SHISA9: variants seen among roughly 807,000 people sequenced by gnomAD.
SHISA9 encodes the protein protein shisa-9.
Under a neutral mutation model 38.0 loss-of-function variants are expected in SHISA9, and 13 were observed. The ratio of observed to expected loss-of-function variants is 0.34; its 90% CI spans 0.22 to 0.54. The LOEUF (loss-of-function observed/expected upper bound fraction) is 0.54. SHISA9 is among the 20% of genes least tolerant of loss of function. SHISA9 has a pLI of 0.91. For missense variants in SHISA9, 538 were observed against 575.8 expected, an observed-to-expected ratio of 0.93 and a Z score of 0.67; for synonymous variants, 275 against 242.0, an observed-to-expected ratio of 1.14 and a Z score of -1.27.
chr16:13,469,383 A>G, the SHISA9 span, among the ~76,000 whole-genome samples: 5 of 109,718 alleles, frequency 4.6e-5, no homozygotes, highest in African/African-American at 1.8e-4. Context: ...GAAAGAAAGA[A>G]AGAAAGAAAG....
At chr16:13,002,772 A>G (rs777622060) in intron 2 of SHISA9, among the ~76,000 whole-genome samples, 1 of 152,094 alleles carries the variant, frequency 6.6e-6, no homozygotes, top group Admixed American at 6.6e-5. Flanking sequence ...ACCTCAGGTG[A>G]TCTGCCTGCC....
At chr16:13,117,477 G>A (rs989977916) in intron 2 of SHISA9, among the ~76,000 whole-genome samples, 1 of 152,194 alleles carries the variant, frequency 6.6e-6, no homozygotes, top group Non-Finnish European at 1.5e-5. Flanking sequence ...TCTTGCAGAT[G>A]TAACCAAGTT....
chr16:13,140,588 T>G (rs1431536247), intron 2 of SHISA9, among the ~76,000 whole-genome samples: 5 of 152,228 alleles, frequency 3.3e-5, no homozygotes, highest in Non-Finnish European at 7.3e-5. Flanking sequence ...CAGCAAGTTC[T>G]GCAAGTTCAG....
chr16:13,006,969 C>T lies in SHISA9; in HGVS notation c.691+90154C>T, dbSNP rs1258210827. 5.9e-5 allele frequency among the ~76,000 whole-genome samples: 9 copies of T among 152,136 alleles called. No individual in the cohort carries two copies. In the East Asian group the frequency reaches 7.7e-4, roughly 13 times the overall value. ...TCTTCAGCTCTCTTTCTGTCACCCTCGACACCTTCTGCATACCTGCTGCCT... is the reference window on the plus strand; with the variant it reads ...TCTTCAGCTCTCTTTCTGTCACCCTTGACACCTTCTGCATACCTGCTGCCT... On this transcript the variant is annotated intron_variant, in intron 2 of 4. Transcript: ENST00000558583.
chr16:13,262,905 C>G, the SHISA9 span, among the ~76,000 whole-genome samples: 3 of 152,110 alleles, frequency 2.0e-5, no homozygotes, highest in African/African-American at 4.8e-5. Context: ...TATCTACTCT[C>G]TTCCTTCTAA....
intron 2 of SHISA9, among the ~76,000 whole-genome samples, chr16:13,155,034 A>G (rs1285053662): frequency 1.1e-4 from 16 of 152,248 alleles, no homozygotes; most frequent in Non-Finnish European, 7.3e-5. Context: ...CATAGGTTAA[A>G]ATGACTAAGA....
At chr16:13,112,094 C>G (rs1458049245) in intron 2 of SHISA9, among the ~76,000 whole-genome samples, 1 of 152,154 alleles carries the variant, frequency 6.6e-6, no homozygotes, top group African/African-American at 2.4e-5. Flanking sequence ...GGTCATACCA[C>G]TCAGCAAAAG....
chr16:13,066,691 A>G (rs768171737), intron 2 of SHISA9, among the ~76,000 whole-genome samples: 2 of 152,256 alleles, frequency 1.3e-5, no homozygotes, highest in Non-Finnish European at 2.9e-5. Context: ...ATGAATGTAA[A>G]GTACCTGGCA....
At chr16:13,162,638 C>G (rs977463004) in intron 2 of SHISA9, among the ~76,000 whole-genome samples, 1 of 152,170 alleles carries the variant, frequency 6.6e-6, no homozygotes, top group African/African-American at 2.4e-5. Context: ...TTGGCCTTGA[C>G]AGTGTGTTAC....
chr16:12,944,361 T>C (rs1217014690), intron 2 of SHISA9, among the ~76,000 whole-genome samples: 1 of 152,204 alleles, frequency 6.6e-6, no homozygotes, highest in African/African-American at 2.4e-5. Flanking sequence ...AAATTCAAAG[T>C]TTATGTCATC....
intron 3 of SHISA9, among the ~76,000 whole-genome samples, chr16:13,205,567 T>C (rs1264479511): frequency 2.0e-5 from 3 of 152,202 alleles, no homozygotes; most frequent in Admixed American, 2.0e-4. Context: ...AAGGTCTCAG[T>C]CTTCTAATCT....
chr16:13,280,365 G>A, the SHISA9 span, among the ~76,000 whole-genome samples: 4 of 151,198 alleles, frequency 2.6e-5, no homozygotes, highest in African/African-American at 9.7e-5. Flanking sequence ...TCTTTCTCTA[G>A]TTTCTGGAGG....
chr16:12,951,836 G>A (rs2071761586), intron 2 of SHISA9, among the ~76,000 whole-genome samples: 1 of 152,216 alleles, frequency 6.6e-6, no homozygotes, highest in Admixed American at 6.5e-5. Context: ...CTTCACTTCA[G>A]GGAGCTTGGA....
chr16:13,368,050 A>G, the SHISA9 span, among the ~76,000 whole-genome samples: 1 of 152,178 alleles, frequency 6.6e-6, no homozygotes, highest in Non-Finnish European at 1.5e-5. Context: ...CTAAATGCTA[A>G]GCTTCCTCTA....
At chr16:12,922,520 A>ACCTTT (rs1284106459) in intron 2 of SHISA9, among the ~76,000 whole-genome samples, 1 of 151,698 alleles carries the variant, frequency 6.6e-6, no homozygotes, top group African/African-American at 2.4e-5. Context: ...CATTTCCCCA[A>ACCTTT]CCTTTTCTTT....
At chr16:13,405,502 G>T in the SHISA9 span, among the ~76,000 whole-genome samples, 726 of 152,300 alleles carry the variant, frequency 4.8e-3, 6 homozygotes, top group Non-Finnish European at 5.4e-3. Context: ...TTAGGTTTGG[G>T]GTGATATGCG....
chr16:13,415,022 G>GT, the SHISA9 span, among the ~76,000 whole-genome samples: 2 of 152,172 alleles, frequency 1.3e-5, no homozygotes, highest in Admixed American at 1.3e-4. Flanking sequence ...ATAGCTCACT[G>GT]TTTGCCTTAT....
chr16:12,977,373 A>T (rs1162839138), intron 2 of SHISA9, among the ~76,000 whole-genome samples: 1 of 152,150 alleles, frequency 6.6e-6, no homozygotes, highest in Non-Finnish European at 1.5e-5. Context: ...GTTGTAAAGA[A>T]TGAGAAGTTA....
chr16:13,393,958 A>C, the SHISA9 span, among the ~76,000 whole-genome samples: 1 of 151,860 alleles, frequency 6.6e-6, no homozygotes, highest in African/African-American at 2.4e-5. Context: ...ATGCACTCAC[A>C]CTCTTTGCCA....
Sources: gnomAD v4.1 joint callset for allele counts (sites outside exome capture counted in the v4.1 genomes callset) on GRCh38, gnomAD v4.1.1 for gene constraint, MANE v1.5 for transcripts, NCBI Gene and HGNC (gene_info 2026-07-23, HGNC 2026-07-21) for gene names.